RAB27B: variants seen among roughly 807,000 people sequenced by gnomAD.
The protein encoded by RAB27B is RAB27B, member RAS oncogene family.
In RAB27B, 15 loss-of-function variants were observed where a neutral mutation model predicts 24.6. The observed-to-expected ratio is 0.61, with a 90% confidence interval of 0.41 to 0.94. The LOEUF (loss-of-function observed/expected upper bound fraction) is 0.94, where lower values mean the gene tolerates loss of function less well. Ranked by LOEUF, RAB27B falls within the 40% of genes least tolerant of loss-of-function variation. The probability of loss-of-function intolerance (pLI) is 0.00; values close to 1 mark genes in which losing one functional copy is unlikely to be tolerated. For synonymous variants in RAB27B, 105 were observed against 92.5 expected, an observed-to-expected ratio of 1.14 and a Z score of -0.78; for missense variants, 261 against 266.8, an observed-to-expected ratio of 0.98 and a Z score of 0.15.
intron 1 of RAB27B, among the ~76,000 whole-genome samples, chr18:54,856,066 A>G (rs1421755887): frequency 1.3e-5 from 2 of 152,252 alleles, no homozygotes; most frequent in Non-Finnish European, 2.9e-5. Context: ...AGCAAGTGAT[A>G]ATGAACAAGA....
chr18:54,792,195 A>G (rs1163477427), intron 2 of RAB27B, among the ~76,000 whole-genome samples: 1 of 152,180 alleles, frequency 6.6e-6, no homozygotes, highest in Admixed American at 6.5e-5. Context: ...ATTCACCCCT[A>G]GGCACTGCCG....
At chr18:54,766,294 C>T (rs1165381574) in intron 2 of RAB27B, among the ~76,000 whole-genome samples, 1 of 152,068 alleles carries the variant, frequency 6.6e-6, no homozygotes, top group East Asian at 1.9e-4. Flanking sequence ...AATGAAAGGA[C>T]AGTCATGGCC....
chr18:54,807,005 G>A (rs147303749), intron 2 of RAB27B, among the ~76,000 whole-genome samples: 2 of 152,178 alleles, frequency 1.3e-5, no homozygotes, highest in African/African-American at 4.8e-5. Context: ...AACTCAAGAG[G>A]TTCTCTTGCC....
At chr18:54,826,274 A>G (rs1035156199), upstream of RAB27B, among the ~76,000 whole-genome samples, 26 of 152,166 alleles carry the variant, frequency 1.7e-4, no homozygotes, top group Admixed American at 1.6e-3. Flanking sequence ...CAGGTACAGG[A>G]AGATGTTATT....
At chr18:54,719,545 A>G (rs746257956) in intron 2 of RAB27B, among the ~76,000 whole-genome samples, 1 of 152,114 alleles carries the variant, frequency 6.6e-6, no homozygotes, top group Non-Finnish European at 1.5e-5. Flanking sequence ...TTATATTGCT[A>G]TATAACATTT....
At chr18:54,841,496 T>A (rs1255662997) in intron 1 of RAB27B, among the ~76,000 whole-genome samples, 2 of 152,200 alleles carry the variant, frequency 1.3e-5, no homozygotes, top group East Asian at 3.8e-4. Flanking sequence ...CAATCCCCGA[T>A]GAACACTGAG....
chr18:54,873,724 TGTGTGA>T (rs1457054445), intron 1 of RAB27B, among the ~76,000 whole-genome samples: 3 of 148,576 alleles, frequency 2.0e-5, no homozygotes, highest in African/African-American at 7.5e-5. Context: ...TGTGTGTGTG[TGTGTGA>T]GTGTGTTGAC....
At chr18:54,807,830 T>C (rs1460596063) in intron 2 of RAB27B, among the ~76,000 whole-genome samples, 1 of 152,150 alleles carries the variant, frequency 6.6e-6, no homozygotes, top group Non-Finnish European at 1.5e-5. Context: ...GTGTCTGAGC[T>C]AGAAGAAAAA....
intron 2 of RAB27B, among the ~76,000 whole-genome samples, chr18:54,816,693 G>A (rs996175826): frequency 6.6e-6 from 1 of 152,134 alleles, no homozygotes; most frequent in East Asian, 1.9e-4. Context: ...TCATTAAGTG[G>A]AAGTTTGGGC....
At chr18:54,803,693 G>A (rs1909680421) in intron 2 of RAB27B, among the ~76,000 whole-genome samples, 1 of 152,176 alleles carries the variant, frequency 6.6e-6, no homozygotes, top group African/African-American at 2.4e-5. Context: ...ATGTCTTGGA[G>A]TTAGGTGGTT....
chr18:54,869,572 G>T (rs941424973), intron 1 of RAB27B, among the ~76,000 whole-genome samples: 13 of 152,202 alleles, frequency 8.5e-5, no homozygotes, highest in Admixed American at 8.5e-4. Flanking sequence ...AGAACTCATG[G>T]ACAGCAGAAT....
intron 1 of RAB27B, among the ~76,000 whole-genome samples, chr18:54,842,854 G>C (rs968742651): frequency 1.3e-5 from 2 of 152,098 alleles, no homozygotes; most frequent in African/African-American, 4.8e-5. Context: ...GAGTGCAGTG[G>C]CGGGATCTCG....
intron 2 of RAB27B, among the ~76,000 whole-genome samples, chr18:54,808,873 G>C (rs1415640100): frequency 2.0e-5 from 3 of 152,106 alleles, no homozygotes; most frequent in African/African-American, 7.2e-5. Context: ...AAAATGAGAA[G>C]AACCTTTAAC....
intron 2 of RAB27B, among the ~76,000 whole-genome samples, chr18:54,730,490 T>C (rs1909693844): frequency 6.6e-6 from 1 of 152,166 alleles, no homozygotes; most frequent in Non-Finnish European, 1.5e-5. Flanking sequence ...TAATTACCTA[T>C]ATGATATGGT....
chr18:54,804,308 G>A (rs1188356549), intron 2 of RAB27B, among the ~76,000 whole-genome samples: 1 of 152,166 alleles, frequency 6.6e-6, no homozygotes, highest in Admixed American at 6.5e-5. Context: ...ATTCCCACAT[G>A]TTGGTCAGGG....
At chr18:54,727,014 C>T (rs942195596) in intron 2 of RAB27B, among the ~76,000 whole-genome samples, 3 of 152,196 alleles carry the variant, frequency 2.0e-5, no homozygotes, top group Admixed American at 6.5e-5. Context: ...CAGAGTTTTG[C>T]TCCTGTTGTC....
rs377383642 is a variant in RAB27B, at chr18:54,809,054, C to G, written c.-19-68513C>G. Among the ~76,000 whole-genome samples the G allele has an allele frequency of 2.4e-4, 36 of 152,248 alleles. No homozygotes were observed. In the South Asian group the frequency reaches 7.1e-3, roughly 30 times the overall value. ...TCAATTCTTTGGTTGAAATTTTCCC[C>G]CATTGAATTTGTGTCACTGAATTGT... On this transcript the variant is annotated intron_variant, in intron 2 of 4. Transcript: ENST00000586570.
chr18:54,775,931 G>A (rs973490318), intron 2 of RAB27B, among the ~76,000 whole-genome samples: 1 of 152,232 alleles, frequency 6.6e-6, no homozygotes, highest in Non-Finnish European at 1.5e-5. Flanking sequence ...GAAGTGTGGT[G>A]ATGTCATAAG....
intron 2 of RAB27B, among the ~76,000 whole-genome samples, chr18:54,791,814 G>T (rs116263535): frequency 7.8e-4 from 119 of 152,282 alleles, no homozygotes; most frequent in African/African-American, 2.7e-3. Flanking sequence ...TAGAGCGCAC[G>T]CTGGCTGAAG....
Sources: gnomAD v4.1 joint callset for allele counts (sites outside exome capture counted in the v4.1 genomes callset) on GRCh38, gnomAD v4.1.1 for gene constraint, MANE v1.5 for transcripts, NCBI Gene and HGNC (gene_info 2026-07-23, HGNC 2026-07-21) for gene names.